The following JMJD1C variants were observed in gnomAD, a reference collection of about 807,000 sequenced individuals.
The protein encoded by JMJD1C is jumonji domain containing 1C.
JMJD1C carries 31 observed loss-of-function variants against 245.3 expected under a neutral mutation model. That is an observed-to-expected ratio of 0.13 (90% CI 0.09 to 0.17). The LOEUF is 0.17. JMJD1C is among the 10% of genes least tolerant of loss of function. The probability of loss-of-function intolerance (pLI) is 1.00; values close to 1 mark genes in which losing one functional copy is unlikely to be tolerated. For synonymous variants in JMJD1C, 1,057 were observed against 1,017.4 expected, an observed-to-expected ratio of 1.04 and a Z score of -0.74; for missense variants, 2,691 against 3,000.2, an observed-to-expected ratio of 0.90 and a Z score of 2.41.
At chr10:63,367,388 A>G (rs1273060223) in intron 2 of JMJD1C, among the ~76,000 whole-genome samples, 1 of 152,122 alleles carries the variant, frequency 6.6e-6, no homozygotes, top group Non-Finnish European at 1.5e-5. Flanking sequence ...CTAGGATTAC[A>G]GGCATGCGCC....
rs960134103 is a variant in JMJD1C at position 63,293,191 on chromosome 10, T to C, written c.334-28427A>G. On this transcript the variant is annotated intron_variant, in intron 2 of 25. Transcript: ENST00000399262. ...TCTAGCATCAGTCTCAAAGAATAAA[T>C]GACTTCCTCGACCTTTTCTTGGTTT... 2.6e-5 allele frequency among the ~76,000 whole-genome samples: 4 copies of C among 152,220 alleles called. No individual in the cohort carries two copies. In the South Asian group the frequency reaches 8.3e-4, roughly 32 times the overall value.
chr10:63,500,746 AGGATGGAT>A (rs780486083), intron 1 of JMJD1C, among the ~76,000 whole-genome samples: 35 of 112,208 alleles, frequency 3.1e-4, no homozygotes, highest in East Asian at 7.5e-4. Context: ...GATGGATGGA[AGGATGGAT>A]GGATGGATGG....
chr10:63,256,698 T>TAC (rs1397475024), intron 3 of JMJD1C, among the ~76,000 whole-genome samples: 1 of 152,244 alleles, frequency 6.6e-6, no homozygotes, highest in Non-Finnish European at 1.5e-5. Context: ...ATGCTCATCC[T>TAC]ACCAAGCCAA....
intron 2 of JMJD1C, among the ~76,000 whole-genome samples, chr10:63,329,610 A>G (rs1331471340): frequency 1.3e-5 from 2 of 152,210 alleles, no homozygotes; most frequent in Admixed American, 1.3e-4. Context: ...ACAAATCCAC[A>G]TATGTATATA....
At chr10:63,455,112 A>C (rs926812378) in intron 1 of JMJD1C, among the ~76,000 whole-genome samples, 1 of 152,366 alleles carries the variant, frequency 6.6e-6, no homozygotes, top group East Asian at 1.9e-4. Flanking sequence ...ATAAGAAATT[A>C]ACAAAAATGG....
intron 14 of JMJD1C, chr10:63,193,743 T>A (rs932479318): frequency 1.3e-5 from 3 of 223,976 alleles, no homozygotes; most frequent in Non-Finnish European, 2.6e-5. Context: ...CTGGGCTCAC[T>A]GCAAGCTCCG....
At chr10:63,190,772 T>C (rs1468376492) in intron 17 of JMJD1C, 122 bp downstream of exon 17, 4 of 712,602 alleles carry the variant, frequency 5.6e-6, no homozygotes, top group African/African-American at 1.8e-5. Context: ...AATAGAAACA[T>C]GCCTAGCAAT....
chr10:63,521,774 C>G, exon 1 of JMJD1C: 3 of 344,448 alleles, frequency 8.7e-6, no homozygotes, highest in Admixed American at 9.7e-5. Flanking sequence ...CTGCGACGGC[C>G]GAGGGCCTAG....
intron 13 of JMJD1C, among the ~76,000 whole-genome samples, chr10:63,195,716 C>T (rs934992584): frequency 4.0e-5 from 6 of 149,930 alleles, no homozygotes; most frequent in Admixed American, 6.7e-5. Flanking sequence ...TGAGGTGGGC[C>T]GATCACGAGG....
intron 18 of JMJD1C, among the ~76,000 whole-genome samples, chr10:63,188,289 G>A (rs1366187477): frequency 6.6e-6 from 1 of 152,088 alleles, no homozygotes; most frequent in Non-Finnish European, 1.5e-5. Flanking sequence ...AGGAGACCAA[G>A]GCAAAAAAGA....
chr10:63,389,206 G>A (rs1589648101), intron 1 of JMJD1C, among the ~76,000 whole-genome samples: 1 of 151,550 alleles, frequency 6.6e-6, no homozygotes, highest in East Asian at 1.9e-4. Context: ...CAGCTACTCA[G>A]GAGGCTGAGG....
chr10:63,328,000 C>A (rs943515993), intron 2 of JMJD1C, among the ~76,000 whole-genome samples: 8 of 152,096 alleles, frequency 5.3e-5, no homozygotes, highest in Non-Finnish European at 1.0e-4. Flanking sequence ...TAAGGCTAGG[C>A]GCAGTGGCTC....
chr10:63,177,518 T>C, intron 23 of JMJD1C, 199 bp downstream of exon 23: 2 of 575,420 alleles, frequency 3.5e-6, no homozygotes, highest in Non-Finnish European at 6.1e-6. Flanking sequence ...AAATCACCAT[T>C]CAAAACCCTC....
intron 1 of JMJD1C, among the ~76,000 whole-genome samples, chr10:63,503,380 G>T (rs189004706): frequency 6.6e-6 from 1 of 152,054 alleles, no homozygotes; most frequent in Non-Finnish European, 1.5e-5. Context: ...ATAATTAAGC[G>T]TTCTGAGCAA....
At chr10:63,395,123 T>C (rs1192872287) in intron 1 of JMJD1C, among the ~76,000 whole-genome samples, 1 of 152,130 alleles carries the variant, frequency 6.6e-6, no homozygotes, top group Non-Finnish European at 1.5e-5. Context: ...TAAAAATCAT[T>C]AATAATTAGA....
chr10:63,293,998 T>G (rs1288074352), intron 2 of JMJD1C, among the ~76,000 whole-genome samples: 1 of 152,176 alleles, frequency 6.6e-6, no homozygotes, highest in Non-Finnish European at 1.5e-5. Flanking sequence ...TTGCCCTTCT[T>G]GCATTTAATC....
intron 2 of JMJD1C, among the ~76,000 whole-genome samples, chr10:63,377,763 G>A (rs1946867660): frequency 6.6e-6 from 1 of 151,866 alleles, no homozygotes; most frequent in Non-Finnish European, 1.5e-5. Flanking sequence ...AGGCATAGTG[G>A]CACACATCTG....
chr10:63,289,831 T>TTA (rs1858426890), intron 2 of JMJD1C, among the ~76,000 whole-genome samples: 1 of 152,104 alleles, frequency 6.6e-6, no homozygotes, highest in African/African-American at 2.4e-5. Context: ...TACTTCTAAA[T>TTA]TATGGCATTT....
intron 1 of JMJD1C, among the ~76,000 whole-genome samples, chr10:63,482,662 A>C (rs1317702469): frequency 6.6e-6 from 1 of 152,072 alleles, no homozygotes; most frequent in Admixed American, 6.6e-5. Flanking sequence ...AGAGAGAGAG[A>C]GAGACCCCAA....
Sources: gnomAD v4.1 joint callset for allele counts (sites outside exome capture counted in the v4.1 genomes callset) on GRCh38, gnomAD v4.1.1 for gene constraint, MANE v1.5 for transcripts, NCBI Gene and HGNC (gene_info 2026-07-23, HGNC 2026-07-21) for gene names.